The following AFG2A variants were observed in gnomAD, a reference collection of about 807,000 sequenced individuals.
The protein encoded by AFG2A is AAA ATPase AFG2A.
the AFG2A span, among the ~76,000 whole-genome samples, chr4:123,001,291 G>T: frequency 6.6e-6 from 1 of 152,086 alleles, no homozygotes; most frequent in Admixed American, 6.6e-5. Flanking sequence ...GGTTTTTTGT[G>T]TGTCTATTTC....
the AFG2A span, among the ~76,000 whole-genome samples, chr4:123,247,582 A>ATGTATGTTTGTT: frequency 1.3e-5 from 2 of 149,496 alleles, no homozygotes; most frequent in East Asian, 2.0e-4. Context: ...GCTAATTTTT[A>ATGTATGTTTGTT]TGTTTGTTTG....
the AFG2A span, among the ~76,000 whole-genome samples, chr4:122,964,567 G>T: frequency 2.0e-5 from 3 of 151,538 alleles, no homozygotes; most frequent in Non-Finnish European, 2.9e-5. Context: ...TACTCTTTCA[G>T]AGATAATTTA....
At chr4:123,272,621 A>C in the AFG2A span, among the ~76,000 whole-genome samples, 1 of 152,202 alleles carries the variant, frequency 6.6e-6, no homozygotes, top group African/African-American at 2.4e-5. Flanking sequence ...ATAAAAGCAC[A>C]TGAGATACAG....
At chr4:123,192,479 C>T in the AFG2A span, among the ~76,000 whole-genome samples, 8 of 152,196 alleles carry the variant, frequency 5.3e-5, no homozygotes, top group African/African-American at 1.9e-4. Flanking sequence ...CTACTAGCTA[C>T]ATTTAACTGT....
chr4:122,967,513 A>C, the AFG2A span, among the ~76,000 whole-genome samples: 3 of 152,190 alleles, frequency 2.0e-5, no homozygotes, highest in African/African-American at 7.2e-5. Flanking sequence ...TTTGTATAAA[A>C]TATTCTGGCA....
chr4:123,241,223 T>C, the AFG2A span, among the ~76,000 whole-genome samples: 1,776 of 152,326 alleles, frequency 0.012, 31 homozygotes, highest in African/African-American at 0.04. Flanking sequence ...GCTGTTACCA[T>C]TCCTTCTGAA....
chr4:123,062,607 T>C, the AFG2A span, among the ~76,000 whole-genome samples: 1 of 152,174 alleles, frequency 6.6e-6, no homozygotes, highest in Non-Finnish European at 1.5e-5. Context: ...GGTATAGCAA[T>C]AGGCTATATT....
At chr4:123,179,016 A>G in the AFG2A span, among the ~76,000 whole-genome samples, 1 of 152,232 alleles carries the variant, frequency 6.6e-6, no homozygotes, top group South Asian at 2.1e-4. Flanking sequence ...ACAATTGTAC[A>G]TGCACATGCA....
the AFG2A span, among the ~76,000 whole-genome samples, chr4:123,080,103 TC>T: frequency 3.8e-4 from 58 of 152,166 alleles, no homozygotes; most frequent in African/African-American, 1.4e-3. Flanking sequence ...CCTTTCTTCT[TC>T]TCTGATACCC....
chr4:123,031,894 T>C, the AFG2A span, among the ~76,000 whole-genome samples: 1 of 152,238 alleles, frequency 6.6e-6, no homozygotes, highest in African/African-American at 2.4e-5. Context: ...CTCTGGCATA[T>C]ATATGTGTTT....
At chr4:123,104,540 A>T in the AFG2A span, among the ~76,000 whole-genome samples, 1 of 152,216 alleles carries the variant, frequency 6.6e-6, no homozygotes, top group Non-Finnish European at 1.5e-5. Context: ...TGAGAATGGC[A>T]TGTCAAAAGC....
At chr4:123,291,076 G>A in the AFG2A span, among the ~76,000 whole-genome samples, 2 of 152,062 alleles carry the variant, frequency 1.3e-5, no homozygotes, top group South Asian at 4.2e-4. Flanking sequence ...GTTTGTTTTT[G>A]TTTCGTTTGT....
the AFG2A span, among the ~76,000 whole-genome samples, chr4:123,093,675 T>C: frequency 6.6e-6 from 1 of 152,220 alleles, no homozygotes; most frequent in Non-Finnish European, 1.5e-5. Context: ...CAGGTCTATC[T>C]TCTGTAAGTG....
the AFG2A span, among the ~76,000 whole-genome samples, chr4:122,977,268 A>G: frequency 6.6e-6 from 1 of 152,052 alleles, no homozygotes; most frequent in African/African-American, 2.4e-5. Context: ...GGCTTGTGCT[A>G]TTGACCTGGA....
At chr4:122,925,452 A>C in the AFG2A span, among the ~76,000 whole-genome samples, 1 of 152,038 alleles carries the variant, frequency 6.6e-6, no homozygotes, top group East Asian at 1.9e-4. Context: ...AGCCTATTGC[A>C]CTATTGTCCT....
At chr4:123,177,215 A>G in the AFG2A span, among the ~76,000 whole-genome samples, 1 of 135,474 alleles carries the variant, frequency 7.4e-6, no homozygotes, top group African/African-American at 2.8e-5. Flanking sequence ...TTTTTTTGAG[A>G]CGGAGTCTTA....
the AFG2A span, among the ~76,000 whole-genome samples, chr4:123,063,618 C>T: frequency 3.9e-5 from 6 of 151,932 alleles, no homozygotes; most frequent in African/African-American, 1.2e-4. Context: ...TGGTGGCAGA[C>T]GCCTGTAGTC....
At chr4:123,066,956 A>G in the AFG2A span, among the ~76,000 whole-genome samples, 1 of 152,218 alleles carries the variant, frequency 6.6e-6, no homozygotes, top group African/African-American at 2.4e-5. Flanking sequence ...TAAGTACTAT[A>G]GCATAATTTT....
At chr4:123,255,261 C>T in the AFG2A span, among the ~76,000 whole-genome samples, 1 of 152,148 alleles carries the variant, frequency 6.6e-6, no homozygotes, top group East Asian at 1.9e-4. Flanking sequence ...TGGCTCACGC[C>T]TGTAATCCCA....
Sources: allele counts gnomAD v4.1 joint callset (sites outside exome capture counted in the v4.1 genomes callset), GRCh38; gene constraint gnomAD v4.1.1; transcripts MANE v1.5; gene names NCBI Gene and HGNC (gene_info 2026-07-23, HGNC 2026-07-21).